EXOC4: variants seen among roughly 807,000 people sequenced by gnomAD.
EXOC4 encodes the protein SEC8-like 1.
A neutral mutation model predicts 107.2 loss-of-function variants in EXOC4; 71 were observed. That is an observed-to-expected ratio of 0.66 (90% confidence interval 0.55 to 0.81). EXOC4 has a LOEUF of 0.81. Ranked by LOEUF, EXOC4 falls within the 30% of genes least tolerant of loss-of-function variation. The pLI is 0.00. For synonymous variants in EXOC4, 456 were observed against 441.2 expected (o/e 1.03, Z -0.42); for missense variants, 1,108 against 1,189.6 (o/e 0.93, Z 1.01).
chr7:133,919,384 C>A (rs1799887074), intron 13 of EXOC4, among the ~76,000 whole-genome samples: 1 of 152,134 alleles, frequency 6.6e-6, no homozygotes, highest in African/African-American at 2.4e-5. Context: ...ATATTAATGA[C>A]TAAAGTCTGT....
rs1563014820 is a variant in EXOC4 at position 133,823,868 on chromosome 7, TATA to T, written c.1734+6325_1734+6327del. On this transcript the variant is annotated intron_variant, in intron 11 of 17. Transcript: ENST00000253861. The stretch of plus-strand genomic sequence containing the variant: ...TTATATATATATATATATATATATA[TATA>T]TTATATATATATATATATATATTTT... Among the ~76,000 whole-genome samples the T allele has an allele frequency of 6.4e-4, 14 of 21,768 alleles. No individual in the cohort carries two copies. In the East Asian group the frequency reaches 1.0e-2, roughly 15 times the overall value. 14.3% of individuals were successfully genotyped at this position (21,768 alleles called of 152,430 possible).
chr7:133,839,444 G>A (rs1474587406), intron 11 of EXOC4, among the ~76,000 whole-genome samples: 1 of 152,174 alleles, frequency 6.6e-6, no homozygotes, highest in Admixed American at 6.5e-5. Context: ...GTAGCATATT[G>A]CTTTGAAGAT....
At chr7:133,315,991 A>G (rs904594472) in intron 4 of EXOC4, among the ~76,000 whole-genome samples, 15 of 152,334 alleles carry the variant, frequency 9.8e-5, no homozygotes, top group African/African-American at 3.6e-4. Flanking sequence ...GTGATCCTCA[A>G]GGCCTAGGAC....
intron 10 of EXOC4, among the ~76,000 whole-genome samples, chr7:133,711,546 G>C (rs1038186585): frequency 6.6e-6 from 1 of 152,304 alleles, no homozygotes; most frequent in East Asian, 1.9e-4. Context: ...CCAACACTTA[G>C]GGGAACTCAG....
At chr7:133,430,601 A>C (rs1267389644) in intron 7 of EXOC4, among the ~76,000 whole-genome samples, 1 of 152,142 alleles carries the variant, frequency 6.6e-6, no homozygotes, top group Non-Finnish European at 1.5e-5. Context: ...CTTTCTGTGA[A>C]TATTTGTTTA....
At position 133,270,587 on chromosome 7, in the gene EXOC4, A is replaced by G. The variant is rs565768440; in HGVS notation, c.87-4395A>G. Among the ~76,000 whole-genome samples the G allele has an allele frequency of 3.3e-5, 5 of 152,362 alleles. No individual in the cohort carries two copies. The South Asian group carries it at 1.0e-3, about 32-fold the overall frequency. On this transcript the variant is annotated intron_variant, in intron 1 of 17. Coordinates refer to ENST00000253861, the MANE Select transcript of EXOC4 (RefSeq NM_021807.4). ...AGGAATAGACATTTTTTTGTGTTAC[A>G]GAAAAAGATGAGACTAGGATCAATG...
At chr7:133,666,243 A>G (rs1294256873) in intron 10 of EXOC4, among the ~76,000 whole-genome samples, 1 of 152,188 alleles carries the variant, frequency 6.6e-6, no homozygotes, top group Non-Finnish European at 1.5e-5. Flanking sequence ...CCTGCCAATG[A>G]CCTGATACTG....
intron 10 of EXOC4, among the ~76,000 whole-genome samples, chr7:133,660,213 C>T (rs1247508660): frequency 6.6e-6 from 1 of 151,404 alleles, no homozygotes; most frequent in Non-Finnish European, 1.5e-5. Context: ...TGATTGCTTC[C>T]CTTTCCCCAA....
intron 11 of EXOC4, among the ~76,000 whole-genome samples, chr7:133,845,015 T>A (rs756650355): frequency 1.1e-4 from 16 of 152,232 alleles, no homozygotes; most frequent in Non-Finnish European, 2.2e-4. Flanking sequence ...TCCAAAGTTG[T>A]ATCTTAACAT....
At chr7:133,320,994 G>A (rs2150586512) in intron 5 of EXOC4, among the ~76,000 whole-genome samples, 1 of 152,258 alleles carries the variant, frequency 6.6e-6, no homozygotes, top group East Asian at 1.9e-4. Flanking sequence ...GAAAGTAATA[G>A]CCGTTTTCAG....
chr7:133,417,830 T>G (rs1191652801), intron 7 of EXOC4, among the ~76,000 whole-genome samples: 1 of 151,972 alleles, frequency 6.6e-6, no homozygotes, highest in Non-Finnish European at 1.5e-5. Flanking sequence ...AACCAAGGAG[T>G]GTTAAATTTA....
At chr7:133,304,038 G>A (rs940084819) in intron 3 of EXOC4, among the ~76,000 whole-genome samples, 1 of 152,190 alleles carries the variant, frequency 6.6e-6, no homozygotes, top group African/African-American at 2.4e-5. Flanking sequence ...AACATGTACT[G>A]TTTGGGTTAA....
chr7:133,673,099 T>C (rs1793983137), intron 10 of EXOC4, among the ~76,000 whole-genome samples: 1 of 152,230 alleles, frequency 6.6e-6, no homozygotes, highest in South Asian at 2.1e-4. Flanking sequence ...GGGCTTATTT[T>C]AGAGGAGCTG....
chr7:133,396,054 G>A (rs1447772472), intron 7 of EXOC4: 1 of 152,162 alleles, frequency 6.6e-6, no homozygotes, highest in Non-Finnish European at 1.5e-5. Context: ...TTTTCAAAGA[G>A]TGGTTCCCAG....
chr7:133,309,394 C>T (rs1329311803), intron 4 of EXOC4, among the ~76,000 whole-genome samples: 1 of 151,986 alleles, frequency 6.6e-6, no homozygotes, highest in Non-Finnish European at 1.5e-5. Context: ...GCCAAGGGGA[C>T]ATTGATATGC....
intron 9 of EXOC4, among the ~76,000 whole-genome samples, chr7:133,501,742 C>G (rs1040313667): frequency 6.6e-6 from 1 of 152,138 alleles, no homozygotes; most frequent in Non-Finnish European, 1.5e-5. Context: ...TGCCTTTGTT[C>G]ATGATTCCTA....
chr7:133,523,048 A>T (rs1800009185), intron 9 of EXOC4, among the ~76,000 whole-genome samples: 1 of 152,174 alleles, frequency 6.6e-6, no homozygotes, highest in Admixed American at 6.5e-5. Context: ...AAATACATCG[A>T]AAGCTGTAAT....
rs150657273 is a variant in EXOC4 at position 133,809,252 on chromosome 7, G to A, written c.1515-8073G>A. 2.4e-3 allele frequency among the ~76,000 whole-genome samples: 362 copies of A among 152,210 alleles called. 5 individuals carry two copies. The highest frequency in any genetic ancestry group is 8.1e-3 in the African/African-American group (338 of 41,530). ...ATGGTGTCACAAACAGTATGTCACC[G>A]TTTATTGCCAATTAAAATTTTAATG... is the stretch of plus-strand genomic sequence containing the variant. On this transcript the variant is annotated intron_variant, in intron 10 of 17. Transcript: ENST00000253861.
At chr7:133,557,615 G>T (rs1194649952) in intron 9 of EXOC4, among the ~76,000 whole-genome samples, 2 of 152,162 alleles carry the variant, frequency 1.3e-5, no homozygotes, top group Admixed American at 6.6e-5. Flanking sequence ...AAACATAAAT[G>T]ATTTTTATGG....
Sources: allele counts gnomAD v4.1 joint callset (sites outside exome capture counted in the v4.1 genomes callset), GRCh38; gene constraint gnomAD v4.1.1; transcripts MANE v1.5; gene names NCBI Gene and HGNC (gene_info 2026-07-23, HGNC 2026-07-21).